Variants in ACIN1 observed in about 807,000 individuals in gnomAD.
ACIN1 encodes the protein apoptotic chromatin condensation inducer in the nucleus.
ACIN1 carries 16 observed loss-of-function variants against 146.6 expected under a neutral mutation model. The ratio of observed to expected loss-of-function variants is 0.11; its 90% CI spans 0.07 to 0.17. ACIN1 has a LOEUF of 0.17. Ranked by LOEUF, ACIN1 falls within the 10% of genes least tolerant of loss-of-function variation. The probability of loss-of-function intolerance (pLI) is 1.00; values close to 1 mark genes in which losing one functional copy is unlikely to be tolerated. For synonymous variants in ACIN1, 569 were observed against 582.7 expected, an observed-to-expected ratio of 0.98 and a Z score of 0.34; for missense variants, 1,357 against 1,609.3, an observed-to-expected ratio of 0.84 and a Z score of 2.68.
In ACIN1 at chr14:23,079,026, CAGG is replaced by C; in HGVS notation, c.1798_1800del (p.Pro600del). 6.2e-7 allele frequency: 1 copy of C among 1,613,954 alleles called. No homozygotes were observed. Among genetic ancestry groups the C allele is most frequent in the Non-Finnish European group, 8.5e-7 (1 of 1,179,932 alleles). ...CTGGTGCTGCTGTCCCTGGAGACTC[CAGG>C]GCTCAGAGACTAAAACAAAATGAAA... is the stretch of plus-strand genomic sequence containing the variant. On this transcript the variant is annotated inframe_deletion, in exon 7 of 19. Coordinates refer to ENST00000605057, the MANE Select transcript of ACIN1 (RefSeq NM_001386863.1).
At chr14:23,077,131 C>T (rs1594768520) in intron 8 of ACIN1, among the ~76,000 whole-genome samples, 1 of 152,174 alleles carries the variant, frequency 6.6e-6, no homozygotes, top group South Asian at 2.1e-4. Flanking sequence ...ATAAAACTAT[C>T]ATTAAAGTCA....
At position 23,090,105 on chromosome 14, in the gene ACIN1, C is replaced by T. The variant is rs368317801; in HGVS notation, c.317-4G>A. The T allele has an allele frequency of 3.8e-5, 62 of 1,613,492 alleles. No individual in the cohort carries two copies. The highest frequency in any genetic ancestry group is 5.0e-5 in the Admixed American group (3 of 59,954). ...TCCTCCGACTCAGCTGAAGCTTCTGCAAAGTACAGATCGGGTCGGGGCAGG... is the reference window on the plus strand; with the variant it reads ...TCCTCCGACTCAGCTGAAGCTTCTGTAAAGTACAGATCGGGTCGGGGCAGG... On this transcript the variant is annotated splice_region_variant and splice_polypyrimidine_tract_variant and intron_variant, in intron 3 of 18. Coordinates refer to ENST00000605057, the MANE Select transcript of ACIN1 (RefSeq NM_001386863.1).
intron 8 of ACIN1, chr14:23,070,990 G>T: frequency 9.9e-7 from 1 of 1,012,538 alleles, no homozygotes; most frequent in Non-Finnish European, 1.5e-6. Flanking sequence ...TGGGCAGGCA[G>T]GACAAAGGGG....
rs984327197 is a variant in ACIN1, at chr14:23,077,942, T to C, written c.2123+209A>G. 4.7e-5 allele frequency: 18 copies of C among 386,390 alleles called. 1 individual carries two copies. The Admixed American group carries it at 5.5e-4, about 12-fold the overall frequency. The allele number at this position is 386,390 out of a possible 1,614,324, so 23.9% of individuals were successfully genotyped here. On this transcript the variant is annotated intron_variant, in intron 8 of 18. Coordinates refer to ENST00000605057, the MANE Select transcript of ACIN1 (RefSeq NM_001386863.1). Reference sequence around the variant, plus strand: ...TTGGCTGGATGATCCCAGGTGAGTTTTCCTTGTGCCCTGACGACCACTTTT... The same window carrying C: ...TTGGCTGGATGATCCCAGGTGAGTTCTCCTTGTGCCCTGACGACCACTTTT...
At chr14:23,094,043 A>G (rs1594793712) in intron 1 of ACIN1, among the ~76,000 whole-genome samples, 1 of 152,110 alleles carries the variant, frequency 6.6e-6, no homozygotes, top group Non-Finnish European at 1.5e-5. Flanking sequence ...AAATTTTCAA[A>G]GAGGAAGCTA....
intron 1 of ACIN1, chr14:23,094,605 C>A (rs756142015): frequency 1.1e-6 from 1 of 908,870 alleles, no homozygotes; most frequent in Non-Finnish European, 1.3e-6. Flanking sequence ...CCGACCCAGC[C>A]CAACTCGCCC....
Position 23,080,615 on chromosome 14 carries a change from T to G in ACIN1, c.720A>C (p.Ala240=), listed in dbSNP as rs1288591782. Residue 240 remains alanine (A), a synonymous_variant, in exon 6 of 19, where the codon GCA becomes GCC. Transcript: ENST00000605057. ...GDDEGQKSRE[A]PILKEFKEEG... ...CTTCCTTAAACTCTTTCAGGATTGG[T>G]GCCTCCCTAGATTTTTGTCCCTCAT... 4.3e-6 allele frequency: 7 copies of G among 1,614,062 alleles called. No homozygotes were observed. The Admixed American group carries it at 5.0e-5, about 12-fold the overall frequency.
chr14:23,064,962 T>C, intron 10 of ACIN1, among the ~76,000 whole-genome samples: 1 of 151,552 alleles, frequency 6.6e-6, no homozygotes, highest in East Asian at 1.9e-4. Flanking sequence ...GACTGAACAC[T>C]GATCTAAAAG....
Position 23,080,588 on chromosome 14 carries a change from T to A in ACIN1, c.747A>T (p.Glu249Asp), listed in dbSNP as rs143040721. 95 of 1,614,132 alleles carry A rather than the reference T, an allele frequency of 5.9e-5. No homozygotes were observed. The highest frequency in any genetic ancestry group is 3.5e-4 in the Admixed American group (21 of 60,018). Residue 249 changes from glutamate (E) to aspartate (D), a missense_variant, in exon 6 of 19, where the codon GAA (glutamate) becomes GAT (aspartate). Coordinates refer to ENST00000605057, the MANE Select transcript of ACIN1 (RefSeq NM_001386863.1). ...GTTTTACTCTAGGTATCTCTTCCCCTTCTTCCTTAAACTCTTTCAGGATTG... is the reference window on the plus strand; with the variant it reads ...GTTTTACTCTAGGTATCTCTTCCCCATCTTCCTTAAACTCTTTCAGGATTG... ...EAPILKEFKE[E>D]GEEIPRVKPE... is the part of the protein sequence containing the mutation.
At chr14:23,093,031 A>G (rs965421167) in intron 2 of ACIN1, among the ~76,000 whole-genome samples, 1 of 152,268 alleles carries the variant, frequency 6.6e-6, no homozygotes, top group Non-Finnish European at 1.5e-5. Context: ...AGTTAACACT[A>G]GTAATGGTGG....
At chr14:23,061,240 A>G in intron 17 of ACIN1, 56 bp from the exon 18 acceptor site, 1 of 1,613,782 alleles carries the variant, frequency 6.2e-7, no homozygotes, top group African/African-American at 1.3e-5. Context: ...GTCCCATCCC[A>G]TCTGGGTCCC....
At chr14:23,060,906 A>AG (rs1245782279) in intron 18 of ACIN1, among the ~76,000 whole-genome samples, 178 bp downstream of exon 18, 1 of 152,172 alleles carries the variant, frequency 6.6e-6, no homozygotes, top group Non-Finnish European at 1.5e-5. Context: ...TACCCTCCTG[A>AG]GTCTGGTTTC....
chr14:23,093,373 A>G, intron 2 of ACIN1, 106 bp downstream of exon 2: 2 of 1,161,784 alleles, frequency 1.7e-6, no homozygotes, highest in Non-Finnish European at 2.5e-6. Flanking sequence ...AAGAGAACTT[A>G]GGAAAACAGT....
intron 1 of ACIN1, 196 bp downstream of exon 1, chr14:23,094,779 G>A: frequency 1.1e-6 from 1 of 874,230 alleles, no homozygotes; most frequent in Admixed American, 2.9e-5. Flanking sequence ...TCGCGCTGCT[G>A]CCGTTAAGGC....
At chr14:23,089,254 G>T (rs535749640) in intron 4 of ACIN1, among the ~76,000 whole-genome samples, 5 of 151,922 alleles carry the variant, frequency 3.3e-5, no homozygotes, top group Non-Finnish European at 7.4e-5. Context: ...GCTTTTTCAC[G>T]GTTTTTCCAG....
intron 9 of ACIN1, among the ~76,000 whole-genome samples, chr14:23,066,966 T>C (rs932950903): frequency 1.3e-5 from 2 of 152,124 alleles, no homozygotes; most frequent in African/African-American, 2.4e-5. Context: ...AAGACCACTC[T>C]ACCACTCTTC....
At chr14:23,081,563 G>A (rs2047945104) in intron 5 of ACIN1, among the ~76,000 whole-genome samples, 185 bp downstream of exon 5, 1 of 152,032 alleles carries the variant, frequency 6.6e-6, no homozygotes, top group Non-Finnish European at 1.5e-5. Flanking sequence ...CTAGGAGGTC[G>A]AGGCTGTAGT....
At chr14:23,090,880 G>C (rs546801811) in intron 2 of ACIN1, among the ~76,000 whole-genome samples, 10 of 152,296 alleles carry the variant, frequency 6.6e-5, no homozygotes, top group South Asian at 4.1e-4. Flanking sequence ...TTCCCAAAGA[G>C]TGATACTGGT....
Position 23,058,911 on chromosome 14 carries a change from C to T in ACIN1, c.*237G>A. 1.8e-6 allele frequency: 1 copy of T among 550,758 alleles called. No homozygotes were observed. The highest frequency in any genetic ancestry group is 2.9e-5 in the East Asian group (1 of 34,992). 34.1% of individuals were successfully genotyped at this position (550,758 alleles called of 1,614,324 possible). A position where few individuals can be genotyped will look rare whatever the true frequency, so the allele number is the denominator to read the frequency against. ...AACCACCTCCTTGCCTAACCTAGCTCTTGCCTCTCAGACTTAATGGGAAAT... is the reference window on the plus strand; with the variant it reads ...AACCACCTCCTTGCCTAACCTAGCTTTTGCCTCTCAGACTTAATGGGAAAT... On this transcript the variant is annotated 3_prime_UTR_variant, in exon 19 of 19. Coordinates refer to ENST00000605057, the MANE Select transcript of ACIN1 (RefSeq NM_001386863.1).
Sources: allele counts gnomAD v4.1 joint callset (sites outside exome capture counted in the v4.1 genomes callset), GRCh38; gene constraint gnomAD v4.1.1; transcripts MANE v1.5; gene names NCBI Gene and HGNC (gene_info 2026-07-23, HGNC 2026-07-21).